The following SMAD4 variants were observed in gnomAD, a reference collection of about 807,000 sequenced individuals.
The protein encoded by SMAD4 is MAD homolog 4.
In SMAD4, 7 loss-of-function variants were observed where a neutral mutation model predicts 63.2. The ratio of observed to expected loss-of-function variants is 0.11; its 90% CI spans 0.06 to 0.21. SMAD4 has a LOEUF of 0.21. Ranked by LOEUF, SMAD4 falls within the 10% of genes least tolerant of loss-of-function variation. The probability of loss-of-function intolerance (pLI) is 1.00; values close to 1 mark genes in which losing one functional copy is unlikely to be tolerated. For synonymous variants in SMAD4, 215 were observed against 235.4 expected (o/e 0.91, Z 0.79); for missense variants, 312 against 693.8 (o/e 0.45, Z 6.18).
intron 8 of SMAD4, among the ~76,000 whole-genome samples, chr18:51,062,718 T>TG (rs1910046479): frequency 6.6e-6 from 1 of 150,560 alleles, no homozygotes; most frequent in Non-Finnish European, 1.5e-5. Flanking sequence ...AGGCTGGTCT[T>TG]GAACTCTTGG....
intron 8 of SMAD4, among the ~76,000 whole-genome samples, chr18:51,060,643 T>G (rs1909983590): frequency 6.6e-6 from 1 of 152,136 alleles, no homozygotes; most frequent in South Asian, 2.1e-4. Context: ...TTTTTACTTG[T>G]TTATTTTTGA....
chr18:51,053,117 T>C (rs1217557671), intron 4 of SMAD4: 2 of 152,182 alleles, frequency 1.3e-5, no homozygotes, highest in Admixed American at 1.3e-4. Flanking sequence ...AGAATACAGT[T>C]GGTACATAAA....
At chr18:51,047,325 T>G (rs1457391223) in intron 2 of SMAD4, 30 bp downstream of exon 2, 1 of 1,604,878 alleles carries the variant, frequency 6.2e-7, no homozygotes, top group South Asian at 1.1e-5. Context: ...TTCTATACCC[T>G]CTATGGTGGC....
At chr18:51,045,809 C>T (rs1909527490) in intron 1 of SMAD4, among the ~76,000 whole-genome samples, 1 of 151,982 alleles carries the variant, frequency 6.6e-6, no homozygotes, top group Non-Finnish European at 1.5e-5. Context: ...TCCTCCCAGG[C>T]CCTGGCAACC....
rs1419519824 is a variant in SMAD4 at position 51,030,633 on chromosome 18, C to T, written c.-128+10C>T. 6.7e-6 allele frequency: 1 copy of T among 149,464 alleles called. No individual in the cohort carries two copies. Among genetic ancestry groups the T allele is most frequent in the Non-Finnish European group, 1.5e-5 (1 of 66,800 alleles). The allele number at this position is 149,464 out of a possible 1,614,324, so 9.3% of individuals were successfully genotyped here. A position where few individuals can be genotyped will look rare whatever the true frequency, so the allele number is the denominator to read the frequency against. On this transcript the variant is annotated intron_variant, in intron 1 of 11. Coordinates refer to ENST00000342988, the MANE Select transcript of SMAD4 (RefSeq NM_005359.6). Reference sequence around the variant, plus strand: ...CACCGCCCGAGCCCAGGTAACCGCGCCATGTCCCCTCCCCTTCCCCCGGCC... The same window carrying T: ...CACCGCCCGAGCCCAGGTAACCGCGTCATGTCCCCTCCCCTTCCCCCGGCC...
chr18:51,073,984 TA>T (rs1175301464), intron 10 of SMAD4, among the ~76,000 whole-genome samples: 2 of 151,888 alleles, frequency 1.3e-5, no homozygotes, highest in African/African-American at 2.4e-5. Flanking sequence ...TGGGTGAAAA[TA>T]TTTGCAAAAG....
chr18:51,080,136 A>T lies in SMAD4; in HGVS notation c.*1669A>T, dbSNP rs145643623. ...TTTTAGCTATAGAAACACTTGTGTGATGATAGTCCTCCTTATATCACCTGG... is the reference window on the plus strand; with the variant it reads ...TTTTAGCTATAGAAACACTTGTGTGTTGATAGTCCTCCTTATATCACCTGG... On this transcript the variant is annotated 3_prime_UTR_variant, in exon 12 of 12. Coordinates refer to ENST00000342988, the MANE Select transcript of SMAD4 (RefSeq NM_005359.6). 1.4e-4 allele frequency: 33 copies of T among 232,692 alleles called. No homozygotes were observed. Among genetic ancestry groups the T allele is most frequent in the Middle Eastern group, 2.6e-3 (2 of 778 alleles). The allele number at this position is 232,692 out of a possible 1,614,324, so 14.4% of individuals were successfully genotyped here.
chr18:51,080,515 A>G lies in SMAD4; in HGVS notation c.*2048A>G, dbSNP rs1332391873. On this transcript the variant is annotated 3_prime_UTR_variant, in exon 12 of 12. Coordinates refer to ENST00000342988, the MANE Select transcript of SMAD4 (RefSeq NM_005359.6). Reference sequence around the variant, plus strand: ...TTAAAAATCCAGATGATTTGATTAAAACCTTAATCATACATTGACATAATT... The same window carrying G: ...TTAAAAATCCAGATGATTTGATTAAGACCTTAATCATACATTGACATAATT... 1 of 217,032 alleles carries G rather than the reference A, an allele frequency of 4.6e-6. No individual in the cohort carries two copies. The highest frequency in any genetic ancestry group is 9.3e-6 in the Non-Finnish European group (1 of 108,058). The allele number at this position is 217,032 out of a possible 1,614,324, so 13.4% of individuals were successfully genotyped here.
intron 10 of SMAD4, among the ~76,000 whole-genome samples, chr18:51,069,095 T>A (rs1056167155): frequency 6.6e-6 from 1 of 152,128 alleles, no homozygotes; most frequent in Non-Finnish European, 1.5e-5. Context: ...CCACAAGTAA[T>A]TTCTGTATTG....
intron 11 of SMAD4, chr18:51,077,284 TGATGGG>T (rs1346842216): frequency 5.8e-5 from 29 of 497,126 alleles, no homozygotes; most frequent in Non-Finnish European, 7.6e-5. Flanking sequence ...GGTTTCACAC[TGATGGG>T]GAATTTTTTA....
intron 10 of SMAD4, among the ~76,000 whole-genome samples, 164 bp downstream of exon 10, chr18:51,067,351 A>G (rs940540822): frequency 1.3e-5 from 2 of 152,154 alleles, no homozygotes; most frequent in Non-Finnish European, 2.9e-5. Context: ...TATTGACATT[A>G]TCAGTAATCT....
intron 10 of SMAD4, among the ~76,000 whole-genome samples, chr18:51,075,546 TTC>T (rs1285336705): frequency 3.9e-5 from 6 of 152,224 alleles, no homozygotes; most frequent in African/African-American, 1.2e-4. Context: ...TTCCTGCAAA[TTC>T]TTTTTGTGTA....
chr18:51,037,014 A>G (rs1042879753), intron 1 of SMAD4, among the ~76,000 whole-genome samples: 1 of 152,088 alleles, frequency 6.6e-6, no homozygotes, highest in Non-Finnish European at 1.5e-5. Context: ...ACAAAAATTC[A>G]TTGGGCATGG....
intron 8 of SMAD4, among the ~76,000 whole-genome samples, chr18:51,062,848 C>CTTTTTTTTTTTTTTTTTT (rs1366376175): frequency 1.2e-5 from 1 of 83,598 alleles, no homozygotes; most frequent in African/African-American, 4.4e-5. Flanking sequence ...TCTGGCTTTA[C>CTTTTTTTTTTTTTTTTTT]TTGTTTTTTT....
intron 10 of SMAD4, among the ~76,000 whole-genome samples, chr18:51,069,161 G>A (rs1042579692): frequency 2.6e-5 from 4 of 152,158 alleles, no homozygotes; most frequent in Non-Finnish European, 5.9e-5. Context: ...CTGTCACCCA[G>A]GCTAGAGTAC....
intron 1 of SMAD4, among the ~76,000 whole-genome samples, chr18:51,036,152 C>A (rs1599173407): frequency 6.6e-6 from 1 of 151,818 alleles, no homozygotes; most frequent in African/African-American, 2.4e-5. Context: ...TTTTTTAAAA[C>A]TGTTTTGTAG....
intron 11 of SMAD4, chr18:51,077,394 C>T: frequency 1.0e-6 from 1 of 985,048 alleles, no homozygotes. Context: ...ATTCATTCAA[C>T]CCCTGTTCTT....
intron 10 of SMAD4, among the ~76,000 whole-genome samples, chr18:51,071,396 CT>C (rs1486048724): frequency 2.0e-5 from 3 of 152,012 alleles, no homozygotes; most frequent in Non-Finnish European, 4.4e-5. Flanking sequence ...TTTTTTCACC[CT>C]TCTAAGTTGA....
At chr18:51,034,954 G>T (rs1909161199) in intron 1 of SMAD4, among the ~76,000 whole-genome samples, 1 of 152,230 alleles carries the variant, frequency 6.6e-6, no homozygotes, top group Non-Finnish European at 1.5e-5. Flanking sequence ...CTAGGGTGCA[G>T]CCAGGTTAGC....
Sources: allele counts gnomAD v4.1 joint callset (sites outside exome capture counted in the v4.1 genomes callset), GRCh38; gene constraint gnomAD v4.1.1; transcripts MANE v1.5; gene names NCBI Gene and HGNC (gene_info 2026-07-23, HGNC 2026-07-21).